ABCD2: variants seen among roughly 807,000 people sequenced by gnomAD.
ABCD2 encodes the protein ATP binding cassette subfamily D member 2.
In ABCD2, 36 loss-of-function variants were observed where a neutral mutation model predicts 70.9. The observed-to-expected ratio is 0.51, with a 90% CI of 0.39 to 0.67. The LOEUF (loss-of-function observed/expected upper bound fraction) is 0.67, where lower values mean the gene tolerates loss of function less well. ABCD2 is among the 30% of genes least tolerant of loss of function. The probability of loss-of-function intolerance (pLI) is 0.00; values close to 1 mark genes in which losing one functional copy is unlikely to be tolerated. For missense variants in ABCD2, 729 were observed against 890.2 expected (o/e 0.82, Z 2.30); for synonymous variants, 304 against 306.9 (o/e 0.99, Z 0.10).
chr12:39,555,157 C>T (rs1283409870), intron 9 of ABCD2, among the ~76,000 whole-genome samples: 1 of 152,044 alleles, frequency 6.6e-6, no homozygotes, highest in Non-Finnish European at 1.5e-5. Flanking sequence ...TCTCTTCAAC[C>T]CCAAAAGAAA....
At chr12:39,577,186 C>T (rs190213727) in intron 8 of ABCD2, among the ~76,000 whole-genome samples, 1 of 152,048 alleles carries the variant, frequency 6.6e-6, no homozygotes, top group Non-Finnish European at 1.5e-5. Context: ...ATGAGATAAT[C>T]GCTAATGAGA....
intron 8 of ABCD2, among the ~76,000 whole-genome samples, chr12:39,577,675 CTT>C (rs1941537882): frequency 6.6e-6 from 1 of 151,974 alleles, no homozygotes; most frequent in Admixed American, 6.6e-5. Context: ...TATTAAATAA[CTT>C]TAAATAATTA....
chr12:39,599,994 C>T (rs1232466799), intron 6 of ABCD2, among the ~76,000 whole-genome samples: 1 of 152,108 alleles, frequency 6.6e-6, no homozygotes, highest in African/African-American at 2.4e-5. Context: ...TTAGACATTT[C>T]TAATTGTTCT....
chr12:39,557,551 A>G (rs938373923), intron 9 of ABCD2, among the ~76,000 whole-genome samples: 1 of 152,218 alleles, frequency 6.6e-6, no homozygotes, highest in African/African-American at 2.4e-5. Context: ...CCAAATGTTA[A>G]TCACCAAGAC....
At chr12:39,557,310 A>G (rs575880816) in intron 9 of ABCD2, among the ~76,000 whole-genome samples, 1 of 152,298 alleles carries the variant, frequency 6.6e-6, no homozygotes, top group Middle Eastern at 3.4e-3. Context: ...TGATTTAGGC[A>G]GAAGAAATTT....
rs760561660 is a variant in ABCD2, at chr12:39,603,921, T to C, written c.1491A>G (p.Leu497=). ...TPAGEVVASR[L]NFKVEEGMHL... Reference sequence around the variant, plus strand: ...TTGAATATCATCTTACTTTGAAGTTTAGCCTGGAAGCCACCACTTCTCCTG... The same window carrying C: ...TTGAATATCATCTTACTTTGAAGTTCAGCCTGGAAGCCACCACTTCTCCTG... Residue 497 remains leucine (L), a synonymous_variant, in exon 5 of 10, where the codon CTA becomes CTG. Transcript: ENST00000308666. 2.5e-6 allele frequency: 4 copies of C among 1,610,280 alleles called. No individual in the cohort carries two copies.
At chr12:39,606,989 G>A (rs2120743874) in intron 3 of ABCD2, among the ~76,000 whole-genome samples, 1 of 152,252 alleles carries the variant, frequency 6.6e-6, no homozygotes, top group East Asian at 1.9e-4. Context: ...CTATAATGTG[G>A]TAAAACATCA....
intron 6 of ABCD2, among the ~76,000 whole-genome samples, chr12:39,595,920 A>G (rs761725506): frequency 2.6e-5 from 4 of 152,202 alleles, no homozygotes; most frequent in Non-Finnish European, 4.4e-5. Flanking sequence ...AAATTACTAA[A>G]AAACCTTAAA....
Sources: allele counts gnomAD v4.1 joint callset (sites outside exome capture counted in the v4.1 genomes callset), GRCh38; gene constraint gnomAD v4.1.1; transcripts MANE v1.5; gene names NCBI Gene and HGNC (gene_info 2026-07-23, HGNC 2026-07-21).